DYNC1I1: variants seen among roughly 807,000 people sequenced by gnomAD.
DYNC1I1 encodes the protein cytoplasmic dynein 1 intermediate chain 1.
Under a neutral mutation model 86.6 loss-of-function variants are expected in DYNC1I1, and 43 were observed. The ratio of observed to expected loss-of-function variants is 0.50; its 90% CI spans 0.39 to 0.64. DYNC1I1 has a LOEUF of 0.64. Ranked by LOEUF, DYNC1I1 falls within the 30% of genes least tolerant of loss-of-function variation. The pLI is 0.00. For missense variants in DYNC1I1, 604 were observed against 788.8 expected (o/e 0.77, Z 2.81); for synonymous variants, 262 against 283.7 (o/e 0.92, Z 0.77).
chr7:96,063,874 A>G (rs1268351890), intron 14 of DYNC1I1, among the ~76,000 whole-genome samples: 1 of 152,118 alleles, frequency 6.6e-6, no homozygotes, highest in East Asian at 1.9e-4. Flanking sequence ...GCCTTTCACT[A>G]CCGCCACCTC....
At chr7:95,877,411 C>G (rs1354954037) in intron 6 of DYNC1I1, among the ~76,000 whole-genome samples, 2 of 152,172 alleles carry the variant, frequency 1.3e-5, no homozygotes, top group Non-Finnish European at 2.9e-5. Flanking sequence ...ACCCTACTCT[C>G]CCACACAGCC....
chr7:95,893,457 A>G (rs182706169), intron 6 of DYNC1I1, among the ~76,000 whole-genome samples: 117 of 152,316 alleles, frequency 7.7e-4, no homozygotes, highest in African/African-American at 2.7e-3. Context: ...TGGCTTGCAA[A>G]CGTCTAGACT....
intron 14 of DYNC1I1, among the ~76,000 whole-genome samples, chr7:96,056,443 T>G (rs1789579828): frequency 6.6e-6 from 1 of 152,190 alleles, no homozygotes; most frequent in African/African-American, 2.4e-5. Context: ...GGGAAAATAG[T>G]TCCTTAACAG....
chr7:95,948,965 G>T (rs1792478019), intron 6 of DYNC1I1, among the ~76,000 whole-genome samples: 2 of 152,110 alleles, frequency 1.3e-5, no homozygotes, highest in Admixed American at 1.3e-4. Context: ...ATTTACATTT[G>T]TCTGAGGTTT....
intron 1 of DYNC1I1, among the ~76,000 whole-genome samples, chr7:95,799,000 T>C (rs1794513320): frequency 6.6e-6 from 1 of 152,066 alleles, no homozygotes; most frequent in Admixed American, 6.6e-5. Flanking sequence ...GATGTGAAAT[T>C]GATTTTAGTT....
chr7:96,042,828 A>T (rs1290819985), intron 14 of DYNC1I1, among the ~76,000 whole-genome samples: 2 of 152,138 alleles, frequency 1.3e-5, no homozygotes, highest in African/African-American at 2.4e-5. Flanking sequence ...TAAATCATTG[A>T]TGAGGGGACT....
intron 5 of DYNC1I1, among the ~76,000 whole-genome samples, chr7:95,848,140 C>T (rs781767301): frequency 1.3e-5 from 2 of 151,480 alleles, no homozygotes; most frequent in Non-Finnish European, 2.9e-5. Flanking sequence ...TAACATCCAC[C>T]GTCTTACCAT....
chr7:96,032,816 G>A (rs1002427891), intron 12 of DYNC1I1, 36 bp downstream of exon 12: 2 of 1,530,668 alleles, frequency 1.3e-6, no homozygotes, highest in Non-Finnish European at 1.8e-6. Context: ...ACACCATCCT[G>A]GTTAAAAGAG....
Position 96,032,676 on chromosome 7 carries a change from T to C in DYNC1I1, c.1126T>C (p.Tyr376His), listed in dbSNP as rs764584111. 1.2e-6 allele frequency: 2 copies of C among 1,613,298 alleles called. No homozygotes were observed. The highest frequency in any genetic ancestry group is 1.7e-5 in the Admixed American group (1 of 59,956). ...LSAAAHTHPVYCVNVVGTQNA... is the reference protein window; with the variant it reads ...LSAAAHTHPVHCVNVVGTQNA... ...GTTTATGTTTTTGCAGCATCCCGTG[T>C]ACTGTGTAAATGTTGTTGGGACCCA... The change falls in exon 12 of 17, where the codon TAC becomes CAC. Residue 376 changes from tyrosine to histidine, a missense_variant. By Grantham distance (83) the Tyr-to-His change is moderately conservative. Coordinates refer to ENST00000447467, the MANE Select transcript of DYNC1I1 (RefSeq NM_001135556.2).
chr7:95,786,749 A>G (rs1218110120), intron 1 of DYNC1I1, among the ~76,000 whole-genome samples: 1 of 152,078 alleles, frequency 6.6e-6, no homozygotes. Flanking sequence ...CCTTCCATCA[A>G]GGTAAATTAT....
chr7:95,923,160 T>C (rs965826631), intron 6 of DYNC1I1, among the ~76,000 whole-genome samples: 6 of 152,134 alleles, frequency 3.9e-5, no homozygotes, highest in African/African-American at 1.2e-4. Flanking sequence ...ACTTAAGTGG[T>C]AAATCAGTCT....
intron 14 of DYNC1I1, among the ~76,000 whole-genome samples, chr7:96,040,406 G>A (rs1789001339): frequency 6.6e-6 from 1 of 152,136 alleles, no homozygotes; most frequent in Admixed American, 6.6e-5. Context: ...AAATGCATTT[G>A]AGAACCATTT....
chr7:95,901,642 T>C (rs1584142467), intron 6 of DYNC1I1, among the ~76,000 whole-genome samples: 3 of 152,348 alleles, frequency 2.0e-5, no homozygotes, highest in African/African-American at 7.2e-5. Context: ...TGAAACTTGC[T>C]TTAATTGACC....
chr7:96,079,764 CAA>C (rs1416721560), intron 15 of DYNC1I1, among the ~76,000 whole-genome samples: 1 of 151,860 alleles, frequency 6.6e-6, no homozygotes, highest in Non-Finnish European at 1.5e-5. Context: ...ACAGATTTAA[CAA>C]AAGAGAGAGA....
intron 5 of DYNC1I1, among the ~76,000 whole-genome samples, chr7:95,865,219 G>A (rs901681334): frequency 1.3e-5 from 2 of 152,046 alleles, no homozygotes; most frequent in Non-Finnish European, 1.5e-5. Flanking sequence ...TACTGCATAG[G>A]TGATATTGAA....
At chr7:96,004,473 C>G (rs1028373184) in intron 10 of DYNC1I1, among the ~76,000 whole-genome samples, 1 of 152,064 alleles carries the variant, frequency 6.6e-6, no homozygotes, top group African/African-American at 2.4e-5. Flanking sequence ...TTATGTTATG[C>G]AGCATTACAT....
chr7:95,798,311 C>T (rs1312864248), intron 1 of DYNC1I1, among the ~76,000 whole-genome samples: 4 of 151,758 alleles, frequency 2.6e-5, no homozygotes, highest in African/African-American at 4.8e-5. Flanking sequence ...CCAACTCCCT[C>T]CTGAGATGTC....
chr7:95,934,897 A>G (rs1166233590), intron 6 of DYNC1I1, among the ~76,000 whole-genome samples: 1 of 151,706 alleles, frequency 6.6e-6, no homozygotes, highest in East Asian at 1.9e-4. Context: ...TTAAGAAAAA[A>G]CACCGAGGCT....
chr7:96,008,167 T>C (rs1794188052), intron 10 of DYNC1I1, among the ~76,000 whole-genome samples: 1 of 152,212 alleles, frequency 6.6e-6, no homozygotes, highest in Admixed American at 6.5e-5. Context: ...TGATTCTGAA[T>C]CCACATCCTG....
Sources: allele counts gnomAD v4.1 joint callset (sites outside exome capture counted in the v4.1 genomes callset), GRCh38; gene constraint gnomAD v4.1.1; transcripts MANE v1.5; gene names NCBI Gene and HGNC (gene_info 2026-07-23, HGNC 2026-07-21).